Variants in LAMA2 observed in about 807,000 individuals in gnomAD.
LAMA2 encodes the protein laminin subunit alpha 2.
Under a neutral mutation model 364.8 loss-of-function variants are expected in LAMA2, and 269 were observed. The observed-to-expected ratio is 0.74, with a 90% CI of 0.67 to 0.82. LAMA2 has a LOEUF of 0.82. LAMA2 is among the 40% of genes least tolerant of loss of function. The pLI, the probability that LAMA2 is intolerant of heterozygous loss-of-function variation, is 0.00. For missense variants in LAMA2, 3,807 were observed against 3,873.2 expected (o/e 0.98, Z 0.45); for synonymous variants, 1,379 against 1,370.6 (o/e 1.01, Z -0.14).
chr6:129,376,566 A>G (rs1278357629), intron 34 of LAMA2, among the ~76,000 whole-genome samples: 1 of 151,930 alleles, frequency 6.6e-6, no homozygotes, highest in Non-Finnish European at 1.5e-5. Context: ...CCTTGGCCAC[A>G]TCTCCCATCA....
chr6:128,941,504 TGAAC>T (rs1402811358), intron 1 of LAMA2, among the ~76,000 whole-genome samples: 1 of 152,242 alleles, frequency 6.6e-6, no homozygotes, highest in Non-Finnish European at 1.5e-5. Flanking sequence ...GAGTATTCTA[TGAAC>T]CCTCACTTAG....
At chr6:128,942,817 T>TA (rs1381630292) in intron 1 of LAMA2, among the ~76,000 whole-genome samples, 1 of 152,164 alleles carries the variant, frequency 6.6e-6, no homozygotes, top group Non-Finnish European at 1.5e-5. Context: ...AGTTCAGCCT[T>TA]AAGTACTTAC....
chr6:129,072,711 C>T (rs1773397592), intron 3 of LAMA2, among the ~76,000 whole-genome samples: 1 of 151,868 alleles, frequency 6.6e-6, no homozygotes, highest in African/African-American at 2.4e-5. Context: ...ATTAGCTTGT[C>T]TTCTGTGAAG....
chr6:129,471,280 A>C (rs1783797513), intron 51 of LAMA2, among the ~76,000 whole-genome samples: 1 of 151,910 alleles, frequency 6.6e-6, no homozygotes, highest in African/African-American at 2.4e-5. Context: ...CATCGCTATC[A>C]CTCATGAAGG....
chr6:128,918,091 A>G (rs1778460822), intron 1 of LAMA2, among the ~76,000 whole-genome samples: 1 of 152,086 alleles, frequency 6.6e-6, no homozygotes, highest in Non-Finnish European at 1.5e-5. Flanking sequence ...ACTCGTTGTT[A>G]TAAAGTGGTA....
At chr6:129,378,740 T>C (rs1778515034) in intron 34 of LAMA2, among the ~76,000 whole-genome samples, 2 of 152,170 alleles carry the variant, frequency 1.3e-5, no homozygotes, top group South Asian at 4.1e-4. Context: ...AAAAAAAGTG[T>C]ATTTCATCTC....
intron 1 of LAMA2, among the ~76,000 whole-genome samples, chr6:128,978,662 G>C (rs1201059922): frequency 6.6e-6 from 1 of 152,134 alleles, no homozygotes; most frequent in African/African-American, 2.4e-5. Flanking sequence ...CTTTGGAGGA[G>C]ATAAGCTTTG....
At chr6:129,176,797 T>C (rs1200158973) in intron 9 of LAMA2, among the ~76,000 whole-genome samples, 3 of 152,154 alleles carry the variant, frequency 2.0e-5, no homozygotes, top group Non-Finnish European at 2.9e-5. Flanking sequence ...TTATTTGCAA[T>C]ATTCCTGTTC....
rs371028651 is a variant in LAMA2, at chr6:128,891,639, C to A, written c.112+8282C>A. 3.3e-5 allele frequency among the ~76,000 whole-genome samples: 5 copies of A among 152,128 alleles called. No homozygotes were observed. In the East Asian group the frequency reaches 7.7e-4, roughly 23 times the overall value. ...AAATGAATTAAACCTAACAACCTAA[C>A]ATGACATTCTCTGGCTGAAAGAAAC... On this transcript the variant is annotated intron_variant, in intron 1 of 64. Transcript: ENST00000421865.
intron 12 of LAMA2, among the ~76,000 whole-genome samples, chr6:129,202,515 AC>A (rs1474898768): frequency 6.6e-6 from 1 of 152,138 alleles, no homozygotes; most frequent in East Asian, 1.9e-4. Context: ...GCAAGCCCTC[AC>A]CACACATCAA....
chr6:129,442,143 C>A, intron 43 of LAMA2: 1 of 1,131,106 alleles, frequency 8.8e-7, no homozygotes, highest in Non-Finnish European at 1.2e-6. Flanking sequence ...AACAAAAGCA[C>A]TGTAATTGGT....
At chr6:129,478,636 C>T (rs1276724035) in intron 53 of LAMA2, 57 bp from the exon 54 acceptor site, 4 of 1,592,820 alleles carry the variant, frequency 2.5e-6, no homozygotes, top group Middle Eastern at 1.7e-4. Flanking sequence ...TAGTCAGAGA[C>T]TACACTACCA....
intron 3 of LAMA2, among the ~76,000 whole-genome samples, chr6:129,080,704 C>T (rs1309975871): frequency 6.6e-6 from 1 of 152,190 alleles, no homozygotes; most frequent in Admixed American, 6.5e-5. Flanking sequence ...TACCATCCCA[C>T]ACCAGTTAGA....
At chr6:129,028,208 A>G (rs1785969084) in intron 1 of LAMA2, among the ~76,000 whole-genome samples, 1 of 151,934 alleles carries the variant, frequency 6.6e-6, no homozygotes, top group East Asian at 1.9e-4. Flanking sequence ...CATACACTAC[A>G]TACATGCTCA....
rs150525056 is a variant in LAMA2 at position 129,191,977 on chromosome 6, C to T, written c.1609-703C>T. On this transcript the variant is annotated intron_variant, in intron 11 of 64. Transcript: ENST00000421865. ...TGTAAAAACAAATCATTATGCATTC[C>T]CAGATTCCTCCTTTAAGGTTCCTTC... 1.5e-3 allele frequency among the ~76,000 whole-genome samples: 224 copies of T among 152,272 alleles called. 1 individual carries two copies. The South Asian group carries it at 0.043, about 29-fold the overall frequency.
chr6:129,435,031 C>T (rs1176498605), intron 41 of LAMA2, among the ~76,000 whole-genome samples: 3 of 152,014 alleles, frequency 2.0e-5, no homozygotes, highest in East Asian at 3.9e-4. Flanking sequence ...TCAAAATTAG[C>T]GCTTTGGAAC....
intron 12 of LAMA2, among the ~76,000 whole-genome samples, chr6:129,242,447 T>A (rs760134421): frequency 6.6e-6 from 1 of 152,196 alleles, no homozygotes; most frequent in Non-Finnish European, 1.5e-5. Context: ...TTTCTGTTAT[T>A]TTAATCAGCA....
intron 3 of LAMA2, among the ~76,000 whole-genome samples, chr6:129,091,637 A>G (rs928518631): frequency 4.6e-5 from 7 of 152,226 alleles, no homozygotes; most frequent in Non-Finnish European, 1.0e-4. Context: ...TCGTTTCACT[A>G]TATGTGAAAG....
chr6:129,201,326 G>A (rs892901962), intron 12 of LAMA2, among the ~76,000 whole-genome samples: 2 of 152,212 alleles, frequency 1.3e-5, no homozygotes, highest in Admixed American at 1.3e-4. Flanking sequence ...CAGCATACAA[G>A]GGAAGAGGAA....
Sources: allele counts gnomAD v4.1 joint callset (sites outside exome capture counted in the v4.1 genomes callset), GRCh38; gene constraint gnomAD v4.1.1; transcripts MANE v1.5; gene names NCBI Gene and HGNC (gene_info 2026-07-23, HGNC 2026-07-21).